Variants in CCDC141 observed in about 807,000 individuals in gnomAD.
CCDC141 encodes coiled-coil domain-containing protein 141.
CCDC141 carries 168 observed loss-of-function variants against 181.0 expected under a neutral mutation model. The observed-to-expected ratio is 0.93, with a 90% CI of 0.82 to 1.05. CCDC141 has a LOEUF of 1.05. CCDC141 is among the 50% of genes least tolerant of loss of function. CCDC141 has a pLI of 0.00. For synonymous variants in CCDC141, 666 were observed against 642.3 expected (o/e 1.04, Z -0.56); for missense variants, 1,902 against 1,788.5 (o/e 1.06, Z -1.14).
At chr2:179,014,812 C>T (rs545095044) in intron 2 of CCDC141, among the ~76,000 whole-genome samples, 1 of 151,890 alleles carries the variant, frequency 6.6e-6, no homozygotes, top group African/African-American at 2.4e-5. Flanking sequence ...AACACTTCTA[C>T]GCTGCTGGTG....
the CCDC141 span, among the ~76,000 whole-genome samples, chr2:178,820,550 T>A: frequency 6.6e-6 from 1 of 152,196 alleles, no homozygotes; most frequent in Admixed American, 6.5e-5. Flanking sequence ...CAAGCTTAAT[T>A]TGGAAGAAAA....
At chr2:178,941,026 T>C (rs1255359529) in intron 6 of CCDC141, among the ~76,000 whole-genome samples, 1 of 152,228 alleles carries the variant, frequency 6.6e-6, no homozygotes, top group African/African-American at 2.4e-5. Flanking sequence ...AGTCTATTTT[T>C]CTGTCATGAC....
the CCDC141 span, among the ~76,000 whole-genome samples, chr2:178,820,256 A>G: frequency 0.83 from 126,210 of 152,104 alleles, 52,523 homozygotes; most frequent in East Asian, 0.99. Flanking sequence ...TGTGAGCTAC[A>G]TTCCTGCTTC....
the CCDC141 span, among the ~76,000 whole-genome samples, chr2:178,823,034 C>T: frequency 6.7e-6 from 1 of 150,012 alleles, no homozygotes; most frequent in Non-Finnish European, 1.5e-5. Context: ...AGGAATATAG[C>T]ACAATGAGAA....
intron 5 of CCDC141, among the ~76,000 whole-genome samples, chr2:178,960,365 T>C (rs577887336): frequency 2.0e-5 from 3 of 152,316 alleles, no homozygotes; most frequent in East Asian, 3.9e-4. Flanking sequence ...CTTGGACTCA[T>C]ATGCGCTTCC....
chr2:178,863,529 A>G (rs1197761179), intron 17 of CCDC141, among the ~76,000 whole-genome samples: 1 of 152,242 alleles, frequency 6.6e-6, no homozygotes, highest in Non-Finnish European at 1.5e-5. Flanking sequence ...GATAGCAAAT[A>G]TTATTACCAC....
intron 6 of CCDC141, chr2:178,926,687 T>G (rs1029687987): frequency 6.6e-6 from 1 of 152,182 alleles, no homozygotes; most frequent in African/African-American, 2.4e-5. Flanking sequence ...GGGAAAAGGA[T>G]CCAAAAGTAC....
At chr2:178,933,578 C>T (rs775807154) in intron 6 of CCDC141, among the ~76,000 whole-genome samples, 2 of 152,202 alleles carry the variant, frequency 1.3e-5, no homozygotes, top group African/African-American at 4.8e-5. Context: ...CGAAAGAGAT[C>T]ATGCCTTTCC....
chr2:178,934,833 C>G (rs1689224767), intron 6 of CCDC141, among the ~76,000 whole-genome samples: 1 of 152,152 alleles, frequency 6.6e-6, no homozygotes, highest in South Asian at 2.1e-4. Flanking sequence ...AGGAGCTTCA[C>G]TAATGAATCC....
At chr2:178,894,777 G>C (rs555337721) in intron 8 of CCDC141, among the ~76,000 whole-genome samples, 5 of 151,802 alleles carry the variant, frequency 3.3e-5, no homozygotes, top group Non-Finnish European at 5.9e-5. Context: ...AGACCAAGAG[G>C]CTCCAACATT....
At chr2:178,953,464 A>G (rs1405801661) in intron 5 of CCDC141, among the ~76,000 whole-genome samples, 1 of 151,746 alleles carries the variant, frequency 6.6e-6, no homozygotes, top group Non-Finnish European at 1.5e-5. Flanking sequence ...CTCATATTCT[A>G]TCAACCCCCA....
chr2:178,909,884 G>A (rs1045710875), intron 7 of CCDC141, among the ~76,000 whole-genome samples: 1 of 151,884 alleles, frequency 6.6e-6, no homozygotes, highest in African/African-American at 2.4e-5. Context: ...AACCTTATAC[G>A]TGCAAGTCAA....
intron 2 of CCDC141, among the ~76,000 whole-genome samples, chr2:178,983,519 G>A (rs1232721183): frequency 6.7e-6 from 1 of 149,106 alleles, no homozygotes; most frequent in African/African-American, 2.5e-5. Context: ...ATTATTCTGA[G>A]CTACGGGAGG....
At chr2:178,855,284 A>ACAG in intron 19 of CCDC141, 63 bp downstream of exon 19, 1 of 1,385,826 alleles carries the variant, frequency 7.2e-7, no homozygotes, top group Non-Finnish European at 1.0e-6. Context: ...CATTGCTTTA[A>ACAG]AGTTGCAAAA....
intron 4 of CCDC141, among the ~76,000 whole-genome samples, chr2:178,966,913 C>T (rs1395012212): frequency 6.6e-6 from 1 of 151,518 alleles, no homozygotes; most frequent in Non-Finnish European, 1.5e-5. Flanking sequence ...TATAAATGAC[C>T]TCATGGAGCT....
At position 178,981,655 on chromosome 2, in the gene CCDC141, T is replaced by TATATATATATATATATATATAC. The variant is rs1363397709; in HGVS notation, c.226-2981_226-2980insGTATATATATATATATATATAT. Among the ~76,000 whole-genome samples the TATATATATATATATATATATAC allele has an allele frequency of 2.0e-3, 275 of 136,308 alleles. 2 individuals carry two copies. Among genetic ancestry groups the TATATATATATATATATATATAC allele is most frequent in the African/African-American group, 7.4e-3 (267 of 35,860 alleles). The allele number at this position is 136,308 out of a possible 152,430, so 89.4% of individuals were successfully genotyped here. A position where few individuals can be genotyped will look rare whatever the true frequency, so the allele number is the denominator to read the frequency against. Reference sequence around the variant, plus strand: ...GTGTGTGTATATATATATATATATATATACATACATATATACATATATATA... The same window carrying TATATATATATATATATATATAC: ...GTGTGTGTATATATATATATATATATATATATATATATATATATATACATACATACATATATACATATATATA... On this transcript the variant is annotated intron_variant, in intron 2 of 23. Coordinates refer to ENST00000443758, the MANE Select transcript of CCDC141 (RefSeq NM_173648.4).
chr2:178,875,669 A>G (rs1349226507), intron 12 of CCDC141: 1 of 152,196 alleles, frequency 6.6e-6, no homozygotes, highest in Non-Finnish European at 1.5e-5. Flanking sequence ...ATAGTTCAAG[A>G]AAGTATTGGA....
intron 20 of CCDC141, among the ~76,000 whole-genome samples, chr2:178,850,741 C>A (rs1203547002): frequency 6.6e-6 from 1 of 152,190 alleles, no homozygotes; most frequent in Non-Finnish European, 1.5e-5. Flanking sequence ...TGAAGATATT[C>A]TTAATCTTTT....
At chr2:178,960,039 C>T (rs1376233091) in intron 5 of CCDC141, among the ~76,000 whole-genome samples, 7 of 152,200 alleles carry the variant, frequency 4.6e-5, no homozygotes, top group Admixed American at 4.6e-4. Context: ...TTTGGTTTCT[C>T]ACAACTGGGG....
Sources: allele counts gnomAD v4.1 joint callset (sites outside exome capture counted in the v4.1 genomes callset), GRCh38; gene constraint gnomAD v4.1.1; transcripts MANE v1.5; gene names NCBI Gene and HGNC (gene_info 2026-07-23, HGNC 2026-07-21).